The following TENM2 variants were observed in gnomAD, a reference collection of about 807,000 sequenced individuals.
TENM2 encodes the protein teneurin transmembrane protein 2, also known as teneurin-2.
A neutral mutation model predicts 245.2 loss-of-function variants in TENM2; 52 were observed. The ratio of observed to expected loss-of-function variants is 0.21; its 90% CI spans 0.17 to 0.27. The LOEUF (loss-of-function observed/expected upper bound fraction) is 0.27. Ranked by LOEUF, TENM2 falls within the 10% of genes least tolerant of loss-of-function variation. TENM2 has a pLI of 1.00. For synonymous variants in TENM2, 1,363 were observed against 1,438.9 expected (o/e 0.95, Z 1.19); for missense variants, 3,046 against 3,666.8 (o/e 0.83, Z 4.37).
At chr5:167,533,720 A>G (rs1192670953) in intron 2 of TENM2, among the ~76,000 whole-genome samples, 1 of 152,130 alleles carries the variant, frequency 6.6e-6, no homozygotes, top group Non-Finnish European at 1.5e-5. Flanking sequence ...TCAGCCTCCC[A>G]AAGTGCTGGG....
intron 2 of TENM2, among the ~76,000 whole-genome samples, chr5:167,809,856 G>T (rs567571868): frequency 6.6e-6 from 1 of 152,174 alleles, no homozygotes; most frequent in South Asian, 2.1e-4. Context: ...AAAAGAGAAA[G>T]AGAAACTAAA....
At chr5:167,960,646 G>C (rs1780940610) in intron 4 of TENM2, among the ~76,000 whole-genome samples, 1 of 152,152 alleles carries the variant, frequency 6.6e-6, no homozygotes, top group South Asian at 2.1e-4. Flanking sequence ...CATGGGTTGG[G>C]ATCTGCTGAG....
intron 2 of TENM2, among the ~76,000 whole-genome samples, chr5:167,521,907 A>G (rs1276977982): frequency 6.6e-6 from 1 of 152,178 alleles, no homozygotes; most frequent in African/African-American, 2.4e-5. Flanking sequence ...TCTCTTACCA[A>G]GAAGAACACT....
chr5:168,185,972 TTA>T (rs1213986912), intron 13 of TENM2: 66 of 5,768 alleles, frequency 0.011, 1 homozygote, highest in East Asian at 0.03. Context: ...ATATTTGAAT[TTA>T]TATATATATA....
At chr5:168,178,242 C>A (rs1158235367) in intron 13 of TENM2, among the ~76,000 whole-genome samples, 1 of 152,264 alleles carries the variant, frequency 6.6e-6, no homozygotes, top group Non-Finnish European at 1.5e-5. Flanking sequence ...CTGCCACCCC[C>A]TGCCGGGCCT....
At chr5:167,495,756 A>G (rs922511726) in intron 2 of TENM2, among the ~76,000 whole-genome samples, 1 of 152,114 alleles carries the variant, frequency 6.6e-6, no homozygotes, top group Non-Finnish European at 1.5e-5. Context: ...ACCTAAAAAC[A>G]AAAGAAAACA....
At chr5:167,276,179 T>G in the TENM2 span, among the ~76,000 whole-genome samples, 431 of 152,182 alleles carry the variant, frequency 2.8e-3, 1 homozygote, top group Non-Finnish European at 5.0e-3. Flanking sequence ...TTTTGCTCTT[T>G]CTTTTTGTAC....
intron 1 of TENM2, among the ~76,000 whole-genome samples, chr5:167,353,233 C>T (rs1759045199): frequency 6.7e-6 from 1 of 148,178 alleles, no homozygotes; most frequent in African/African-American, 2.5e-5. Context: ...GTCTTGGAGC[C>T]ATGTCTTTAT....
chr5:168,104,427 T>G (rs75173849), intron 9 of TENM2, among the ~76,000 whole-genome samples: 1 of 152,030 alleles, frequency 6.6e-6, no homozygotes. Flanking sequence ...CTGACAGCTG[T>G]GCCCGGAATT....
At chr5:167,258,793 G>A in the TENM2 span, among the ~76,000 whole-genome samples, 2 of 152,060 alleles carry the variant, frequency 1.3e-5, no homozygotes, top group Admixed American at 6.6e-5. Flanking sequence ...AGAAGACTGT[G>A]GCTTTGCACA....
Position 168,218,001 on chromosome 5 carries a change from C to T in TENM2, c.4234-124C>T, listed in dbSNP as rs939479415. 9 of 1,003,702 alleles carry T rather than the reference C, an allele frequency of 9.0e-6. No individual in the cohort carries two copies. Among genetic ancestry groups the T allele is most frequent in the African/African-American group, 3.2e-5 (2 of 61,574 alleles). The allele number at this position is 1,003,702 out of a possible 1,614,324, so 62.2% of individuals were successfully genotyped here. On this transcript the variant is annotated intron_variant, in intron 22 of 28. Coordinates refer to ENST00000518659, the Ensembl canonical transcript of TENM2. This position sits in a 1 kb window ranked among gnomAD's most constrained non-coding sequence, Gnocchi z 5.2. ...GCAGCTGGTTCAATGAAGAGCATTT[C>T]TAATACAATGTGTTATTAAAAAGCT...
At chr5:167,366,832 T>TA (rs1404862565) in intron 1 of TENM2, among the ~76,000 whole-genome samples, 1 of 152,156 alleles carries the variant, frequency 6.6e-6, no homozygotes, top group African/African-American at 2.4e-5. Context: ...GAGTCTCATA[T>TA]AGTCAGGTGA....
At chr5:167,943,036 T>TA (rs1779313180) in intron 3 of TENM2, among the ~76,000 whole-genome samples, 1 of 152,240 alleles carries the variant, frequency 6.6e-6, no homozygotes, top group African/African-American at 2.4e-5. Context: ...CATCAGCTGT[T>TA]ACTTGACGTG....
chr5:167,218,151 G>T, the TENM2 span, among the ~76,000 whole-genome samples: 1 of 151,802 alleles, frequency 6.6e-6, no homozygotes, highest in Non-Finnish European at 1.5e-5. Context: ...TAAAAATATT[G>T]ACTTGTTGTG....
the TENM2 span, among the ~76,000 whole-genome samples, chr5:167,024,108 T>C: frequency 1.3e-5 from 2 of 152,218 alleles, no homozygotes; most frequent in African/African-American, 4.8e-5. Flanking sequence ...GGTAATAGGC[T>C]ATTCAAGCAA....
intron 5 of TENM2, among the ~76,000 whole-genome samples, chr5:168,022,073 T>G (rs1023955622): frequency 3.3e-5 from 5 of 152,354 alleles, no homozygotes; most frequent in African/African-American, 1.2e-4. Context: ...ATCTTTCTCA[T>G]TTTAAAATCA....
intron 15 of TENM2, among the ~76,000 whole-genome samples, chr5:168,197,470 G>A (rs1306888094): frequency 6.6e-6 from 1 of 152,188 alleles, no homozygotes; most frequent in Non-Finnish European, 1.5e-5. Context: ...GGAGGCAGAG[G>A]CAGGCGGATC....
chr5:167,814,470 GAAAAA>G (rs1178524859), intron 2 of TENM2, among the ~76,000 whole-genome samples: 5 of 139,118 alleles, frequency 3.6e-5, no homozygotes, highest in South Asian at 2.3e-4. Flanking sequence ...AAAAAAAAAA[GAAAAA>G]GAAAAGAAAA....
At chr5:167,875,741 A>G (rs1280192448) in intron 2 of TENM2, among the ~76,000 whole-genome samples, 2 of 152,110 alleles carry the variant, frequency 1.3e-5, no homozygotes, top group African/African-American at 4.8e-5. Context: ...GACTGATTCC[A>G]TTTGAGCTGT....
Sources: allele counts gnomAD v4.1 joint callset (sites outside exome capture counted in the v4.1 genomes callset), GRCh38; gene constraint gnomAD v4.1.1; non-coding constraint Gnocchi (gnomAD v3.1); transcripts MANE v1.5; gene names NCBI Gene and HGNC (gene_info 2026-07-23, HGNC 2026-07-21).